The following EIF3L variants were observed in gnomAD, a reference collection of about 807,000 sequenced individuals.
EIF3L encodes the protein eukaryotic translation initiation factor 3 subunit L.
A neutral mutation model predicts 74.6 loss-of-function variants in EIF3L; 32 were observed. That is an observed-to-expected ratio of 0.43 (90% confidence interval 0.32 to 0.58). EIF3L has a LOEUF of 0.58. Ranked by LOEUF, EIF3L falls within the 20% of genes least tolerant of loss-of-function variation. The pLI is 0.06. For synonymous variants in EIF3L, 256 were observed against 254.4 expected (o/e 1.01, Z -0.06); for missense variants, 474 against 707.8 (o/e 0.67, Z 3.75).
At chr22:37,854,916 C>T (rs1236153706) in intron 3 of EIF3L, among the ~76,000 whole-genome samples, 7 of 152,124 alleles carry the variant, frequency 4.6e-5, no homozygotes, top group Non-Finnish European at 1.0e-4. Context: ...GTTGAGATTA[C>T]AGGCGTGAGC....
intron 12 of EIF3L, 162 bp downstream of exon 12, chr22:37,887,007 C>T (rs1487060835): frequency 8.2e-6 from 4 of 486,526 alleles, no homozygotes; most frequent in Non-Finnish European, 1.6e-5. Context: ...TAGCTCACTG[C>T]AACCTCTGCC....
At chr22:37,865,574 A>T (rs984591053) in intron 7 of EIF3L, among the ~76,000 whole-genome samples, 3 of 152,202 alleles carry the variant, frequency 2.0e-5, no homozygotes, top group African/African-American at 7.2e-5. Flanking sequence ...GTATCTTAAT[A>T]AAGATGTTAT....
At chr22:37,867,858 G>A (rs1449016719) in intron 7 of EIF3L, among the ~76,000 whole-genome samples, 1 of 150,896 alleles carries the variant, frequency 6.6e-6, no homozygotes, top group Non-Finnish European at 1.5e-5. Flanking sequence ...AGGAGGCTGA[G>A]GCAGGAGAAT....
In EIF3L at chr22:37,870,750, C is replaced by T. The variant is rs78094280; in HGVS notation, c.751+403C>T. Among the ~76,000 whole-genome samples the T allele has an allele frequency of 5.9e-3, 888 of 151,474 alleles. 16 individuals are homozygous for T. The highest frequency in any genetic ancestry group is 0.021 in the African/African-American group (854 of 41,316). ...AAGAGTGGCATTTTTGCAGATCTCT[C>T]TGTCTGGCTGAGATAGCTGGCTTCT... On this transcript the variant is annotated intron_variant, in intron 8 of 12. Transcript: ENST00000652021.
intron 2 of EIF3L, among the ~76,000 whole-genome samples, 154 bp from the exon 3 acceptor site, chr22:37,851,126 G>A (rs574464387): frequency 4.1e-4 from 63 of 152,204 alleles, no homozygotes; most frequent in Non-Finnish European, 7.2e-4. Flanking sequence ...CAGGGACAAC[G>A]AGATTGGGAG....
intron 4 of EIF3L, among the ~76,000 whole-genome samples, chr22:37,857,970 G>A (rs1437071043): frequency 1.3e-5 from 2 of 152,034 alleles, no homozygotes; most frequent in African/African-American, 4.8e-5. Flanking sequence ...GGGAGATTTA[G>A]ACTAGCCTGA....
chr22:37,850,850 T>C (rs1217621805), intron 2 of EIF3L, among the ~76,000 whole-genome samples: 1 of 152,240 alleles, frequency 6.6e-6, no homozygotes, highest in African/African-American at 2.4e-5. Context: ...ATAGAAAATA[T>C]AGCAGAGAGG....
At chr22:37,866,627 T>G (rs1926164292) in intron 7 of EIF3L, among the ~76,000 whole-genome samples, 1 of 151,948 alleles carries the variant, frequency 6.6e-6, no homozygotes, top group African/African-American at 2.4e-5. Flanking sequence ...CTACTAAAAA[T>G]ACAAAAAAAT....
At chr22:37,886,949 G>A (rs1419027140) in intron 12 of EIF3L, 104 bp downstream of exon 12, 1 of 900,962 alleles carries the variant, frequency 1.1e-6, no homozygotes, top group East Asian at 3.5e-5. Context: ...TTTATTTTGA[G>A]ATGGAGTCTT....
intron 3 of EIF3L, among the ~76,000 whole-genome samples, chr22:37,854,744 G>T (rs1601753639): frequency 6.6e-6 from 1 of 152,212 alleles, no homozygotes; most frequent in East Asian, 1.9e-4. Flanking sequence ...TGAGATTACG[G>T]GTGTGAGCCA....
chr22:37,888,443 G>A lies in EIF3L; in HGVS notation c.1674G>A (p.Lys558=). ...TCTTCTAGCTTAATCGAACCCTGAA[G>A]AAGATGGGACAGAGACCTTGATGAT... ...HKFEELNRTL[K]KMGQRP Residue 558 remains lysine, a synonymous_variant, in exon 13 of 13, where the codon AAG becomes AAA. Transcript: ENST00000652021. 1 of 1,614,006 alleles carries A rather than the reference G, an allele frequency of 6.2e-7. No individual in the cohort carries two copies. Among genetic ancestry groups the A allele is most frequent in the Non-Finnish European group, 8.5e-7 (1 of 1,179,990 alleles).
rs940975446 is a variant in EIF3L at position 37,849,582 on chromosome 22, G to A, written c.33+100G>A. On this transcript the variant is annotated intron_variant, in intron 1 of 12. Coordinates refer to ENST00000652021, the MANE Select transcript of EIF3L (RefSeq NM_016091.4). The stretch of plus-strand genomic sequence containing the variant: ...CGAGGCAGCTTCCGGGTCGCGGCCA[G>A]CTCCGGCCGACCTCCCGCCCGGCCC... 5.0e-6 allele frequency: 7 copies of A among 1,390,464 alleles called. No individual in the cohort carries two copies. In the African/African-American group the frequency reaches 5.8e-5, roughly 12 times the overall value. The allele number at this position is 1,390,464 out of a possible 1,614,324, so 86.1% of individuals were successfully genotyped here. A position where few individuals can be genotyped will look rare whatever the true frequency, so the allele number is the denominator to read the frequency against.
At chr22:37,886,929 T>C (rs756607535) in intron 12 of EIF3L, 84 bp downstream of exon 12, 4 of 1,111,058 alleles carry the variant, frequency 3.6e-6, no homozygotes, top group Non-Finnish European at 5.2e-6. Flanking sequence ...TTTTAATTTT[T>C]ATTCCTTTAT....
chr22:37,871,370 C>A (rs1398308096), intron 8 of EIF3L: 1 of 152,048 alleles, frequency 6.6e-6, no homozygotes, highest in Non-Finnish European at 1.5e-5. Flanking sequence ...CTGAAATGCT[C>A]CAAAATCTGA....
chr22:37,856,585 C>T (rs1194386597), intron 4 of EIF3L, among the ~76,000 whole-genome samples: 1 of 152,088 alleles, frequency 6.6e-6, no homozygotes, highest in African/African-American at 2.4e-5. Context: ...TGGCTCACGC[C>T]TGTAATCCAA....
intron 7 of EIF3L, among the ~76,000 whole-genome samples, chr22:37,865,089 G>A (rs967048486): frequency 4.6e-5 from 7 of 152,122 alleles, no homozygotes; most frequent in Admixed American, 2.0e-4. Context: ...AATACAGATT[G>A]CTCACAACTG....
rs186661207 is a variant in EIF3L, at chr22:37,854,269, T to C, written c.294-1296T>C. Among the ~76,000 whole-genome samples, 3 of 152,278 alleles carry C rather than the reference T, an allele frequency of 2.0e-5. No individual in the cohort carries two copies. In the East Asian group the frequency reaches 5.8e-4, roughly 29 times the overall value. On this transcript the variant is annotated intron_variant, in intron 3 of 12. Coordinates refer to ENST00000652021, the MANE Select transcript of EIF3L (RefSeq NM_016091.4). The stretch of plus-strand genomic sequence containing the variant: ...AGGAAGAGAGTATCACCAAATGTTT[T>C]AGTGAGGTCCAGATGAGAAAAAAAG...
At chr22:37,856,715 A>G (rs1361877755) in intron 4 of EIF3L, among the ~76,000 whole-genome samples, 1 of 151,944 alleles carries the variant, frequency 6.6e-6, no homozygotes, top group Non-Finnish European at 1.5e-5. Context: ...ATGGTGACAC[A>G]TGCCTGTAAT....
At chr22:37,864,099 T>A (rs1306616715) in intron 7 of EIF3L, among the ~76,000 whole-genome samples, 2 of 151,690 alleles carry the variant, frequency 1.3e-5, no homozygotes, top group African/African-American at 4.8e-5. Flanking sequence ...TCTCACTCTG[T>A]TGCTCAGGCT....
Sources: gnomAD v4.1 joint callset for allele counts (sites outside exome capture counted in the v4.1 genomes callset) on GRCh38, gnomAD v4.1.1 for gene constraint, MANE v1.5 for transcripts, NCBI Gene and HGNC (gene_info 2026-07-23, HGNC 2026-07-21) for gene names.